KLHDC7B: variants seen among roughly 807,000 people sequenced by gnomAD.
KLHDC7B encodes kelch domain-containing protein 7B.
KLHDC7B carries 1 observed loss-of-function variant against 0.6 expected under a neutral mutation model. That is an observed-to-expected ratio of 1.71 (90% CI 0.61 to 8.11). KLHDC7B has a LOEUF of 8.11. Ranked by LOEUF, KLHDC7B falls within the 30% of genes most tolerant of loss-of-function variation. The pLI is 0.13. For missense variants in KLHDC7B, 993 were observed against 894.9 expected, an observed-to-expected ratio of 1.11 and a Z score of -1.40; for synonymous variants, 462 against 405.2, an observed-to-expected ratio of 1.14 and a Z score of -1.68.
In KLHDC7B at chr22:50,546,684, C is replaced by T. The variant is rs1285457519; in HGVS notation, c.441C>T (p.Ala147=). Among the ~76,000 whole-genome samples the T allele has an allele frequency of 6.6e-6, 1 of 152,132 alleles. No individual in the cohort carries two copies. The highest frequency in any genetic ancestry group is 1.5e-5 in the Non-Finnish European group (1 of 67,990). Residue 147 remains alanine (A), a synonymous_variant, in exon 1 of 1, where the codon GCC becomes GCT. Coordinates refer to ENST00000648057, the MANE Select transcript of KLHDC7B (RefSeq NM_138433.5). Reference sequence around the variant, plus strand: ...AACGGGGCAGTGCCACCCCCGCGGCCCCCCGAGCGGAAGGAAAGGAGCCTC... The same window carrying T: ...AACGGGGCAGTGCCACCCCCGCGGCTCCCCGAGCGGAAGGAAAGGAGCCTC... ...GQQRGSATPA[A]PRAEGKEPPR...
In KLHDC7B at chr22:50,550,979, G is replaced by A. The variant is rs1603442667; in HGVS notation, c.*1028G>A. ...GCCCTTTTTCTGTTTTTTATTCTAT[G>A]TTCAGCACCACTGGCACCAAATACA... On this transcript the variant is annotated 3_prime_UTR_variant, in exon 1 of 1. Coordinates refer to ENST00000648057, the MANE Select transcript of KLHDC7B (RefSeq NM_138433.5). 1 of 412,690 alleles carries A rather than the reference G, an allele frequency of 2.4e-6. No individual in the cohort carries two copies. Among genetic ancestry groups the A allele is most frequent in the Non-Finnish European group, 4.6e-6 (1 of 216,126 alleles). The allele number at this position is 412,690 out of a possible 1,614,324, so 25.6% of individuals were successfully genotyped here.
At position 50,548,229 on chromosome 22, in the gene KLHDC7B, G is replaced by A; in HGVS notation, c.1986G>A (p.Ala662=). 6.4e-7 allele frequency: 1 copy of A among 1,550,420 alleles called. No homozygotes were observed. The highest frequency in any genetic ancestry group is 8.7e-7 in the Non-Finnish European group (1 of 1,146,562). ...QDRPQGSVPR[A]VPGSPVGPST... ...GGCCCCAAGGGAGTGTCCCGAGGGC[G>A]GTTCCCGGGAGCCCCGTGGGTCCCA... is the stretch of plus-strand genomic sequence containing the variant. The change falls in exon 1 of 1, where the codon GCG becomes GCA. Residue 662 remains alanine (A), a synonymous_variant. Coordinates refer to ENST00000648057, the MANE Select transcript of KLHDC7B (RefSeq NM_138433.5). The surrounding 1 kb of genome is among the most constrained non-coding windows in gnomAD (Gnocchi z 5.3).
chr22:50,548,120 G>C lies in KLHDC7B; in HGVS notation c.1877G>C (p.Arg626Pro), dbSNP rs376842755. Reference sequence around the variant, plus strand: ...CAGGAGAGTGTGGCTCTCCCCAGGCGCTACCAGGAGGGGCAGGTCTCAGCC... The same window carrying C: ...CAGGAGAGTGTGGCTCTCCCCAGGCCCTACCAGGAGGGGCAGGTCTCAGCC... ...KPQESVALPR[R>P]YQEGQVSASW... The change falls in exon 1 of 1, where the codon CGC (arginine) becomes CCC (proline). Residue 626 changes from arginine to proline, a missense_variant. Physicochemically the swap from Arg to Pro is moderately radical, Grantham distance 103. Transcript: ENST00000648057. This position sits in a 1 kb window ranked among gnomAD's most constrained non-coding sequence, Gnocchi z 5.3. 222 of 1,455,676 alleles carry C rather than the reference G, an allele frequency of 1.5e-4. 1 individual carries two copies. The African/African-American group carries it at 2.9e-3, about 19-fold the overall frequency. The allele number at this position is 1,455,676 out of a possible 1,614,324, so 90.2% of individuals were successfully genotyped here. A position where few individuals can be genotyped will look rare whatever the true frequency, so the allele number is the denominator to read the frequency against.
chr22:50,550,007 A>G lies in KLHDC7B; in HGVS notation c.*56A>G, dbSNP rs2069789990. 6.2e-6 allele frequency: 9 copies of G among 1,449,392 alleles called. No individual in the cohort carries two copies. The highest frequency in any genetic ancestry group is 7.3e-6 in the Non-Finnish European group (8 of 1,089,742). The allele number at this position is 1,449,392 out of a possible 1,614,324, so 89.8% of individuals were successfully genotyped here. A position where few individuals can be genotyped will look rare whatever the true frequency, so the allele number is the denominator to read the frequency against. ...TGCTCTCCAGGGAGACCCTCCTGGGATGGGCCTGAGAGGCCGGGGCTCAGG... is the reference window on the plus strand; with the variant it reads ...TGCTCTCCAGGGAGACCCTCCTGGGGTGGGCCTGAGAGGCCGGGGCTCAGG... On this transcript the variant is annotated 3_prime_UTR_variant, in exon 1 of 1. Coordinates refer to ENST00000648057, the MANE Select transcript of KLHDC7B (RefSeq NM_138433.5).
rs201681152 is a variant in KLHDC7B, at chr22:50,550,219, CCT to C, written c.*269_*270del. On this transcript the variant is annotated 3_prime_UTR_variant, in exon 1 of 1. Transcript: ENST00000648057. ...GACCCTCTCAGCTTGCTGACACCCCCCTGTCTGTGGGACTCCCTATTCCCTAG... is the reference window on the plus strand; with the variant it reads ...GACCCTCTCAGCTTGCTGACACCCCCGTCTGTGGGACTCCCTATTCCCTAG... The C allele has an allele frequency of 3.1e-3, 1,371 of 448,936 alleles. 21 individuals carry two copies. The highest frequency in any genetic ancestry group is 0.021 in the South Asian group (378 of 18,224). 27.8% of individuals were successfully genotyped at this position (448,936 alleles called of 1,614,324 possible).
rs1302566111 is a variant in KLHDC7B at position 50,546,930 on chromosome 22, C to CCGG, written c.697_699dup (p.Arg233dup). ...CGGGCTCGATGGGGAGAGGCCGGGG[C>CCGG]CGGCGGCGGCGGATGGACGCTGGCT... On this transcript the variant is annotated inframe_insertion, in exon 1 of 1. Transcript: ENST00000648057. Among the ~76,000 whole-genome samples the CCGG allele has an allele frequency of 6.6e-6, 1 of 151,878 alleles. No individual in the cohort carries two copies. The highest frequency in any genetic ancestry group is 1.5e-5 in the Non-Finnish European group (1 of 67,914).
chr22:50,550,103 G>A lies in KLHDC7B; in HGVS notation c.*152G>A, dbSNP rs546482410. The stretch of plus-strand genomic sequence containing the variant: ...TTCCCCTTCTGCTTTAAAGGTTGTC[G>A]ATTATTTTGAAGCCCAGACTCCCTC... On this transcript the variant is annotated 3_prime_UTR_variant, in exon 1 of 1. Transcript: ENST00000648057. 9.8e-6 allele frequency: 8 copies of A among 814,834 alleles called. No individual in the cohort carries two copies. The highest frequency in any genetic ancestry group is 1.8e-5 in the African/African-American group (1 of 56,982). 50.5% of individuals were successfully genotyped at this position (814,834 alleles called of 1,614,324 possible). A position where few individuals can be genotyped will look rare whatever the true frequency, so the allele number is the denominator to read the frequency against.
Position 50,548,621 on chromosome 22 carries a change from G to A in KLHDC7B, c.2378G>A (p.Gly793Glu), listed in dbSNP as rs750875572. 1.3e-6 allele frequency: 2 copies of A among 1,542,888 alleles called. No individual in the cohort carries two copies. The highest frequency in any genetic ancestry group is 1.2e-5 in the South Asian group (1 of 83,868). Residue 793 changes from glycine to glutamate, a missense_variant, in exon 1 of 1, where the codon GGG becomes GAG. Gly to Glu is a moderately conservative substitution (Grantham distance 98). Transcript: ENST00000648057. This position sits in a 1 kb window ranked among gnomAD's most constrained non-coding sequence, Gnocchi z 5.3. ...CAGGAGGTCAGGCCGGCCGCCTCGG[G>A]GGACCCTCAAGGGGAGGCGCCGGGG... ...SEQEVRPAAS[G>E]DPQGEAPGEG...
rs1278915044 is a variant in KLHDC7B at position 50,549,805 on chromosome 22, C to T, written c.1639C>T (p.Gln547Ter). The change falls in exon 1 of 1, where the codon CAG becomes TAG. Residue 547 changes from glutamine (Q) to a stop codon, truncating the protein, a stop_gained. Coordinates refer to the KLHDC7B transcript ENST00000395676. LOFTEE classifies it high-confidence loss of function. Reference sequence around the variant, plus strand: ...CAACACCATTTACTGCCTCAACCCCCAGGTCACTGCCACCTTCACGGTCTC... The same window carrying T: ...CAACACCATTTACTGCCTCAACCCCTAGGTCACTGCCACCTTCACGGTCTC... The T allele has an allele frequency of 1.3e-6, 2 of 1,594,912 alleles. No individual in the cohort carries two copies. Among genetic ancestry groups the T allele is most frequent in the Non-Finnish European group, 1.7e-6 (2 of 1,172,198 alleles).
In KLHDC7B at chr22:50,550,718, C is replaced by T. The variant is rs187124817; in HGVS notation, c.*767C>T. On this transcript the variant is annotated 3_prime_UTR_variant, in exon 1 of 1. Coordinates refer to ENST00000648057, the MANE Select transcript of KLHDC7B (RefSeq NM_138433.5). The stretch of plus-strand genomic sequence containing the variant: ...CCCTTTTTAGCTGTGTAGACTTGGA[C>T]GAGACATTTGACTTCCCTTTCTCCT... The T allele has an allele frequency of 3.0e-4, 50 of 168,194 alleles. No homozygotes were observed. Among genetic ancestry groups the T allele is most frequent in the Non-Finnish European group, 5.4e-4 (37 of 69,002 alleles). The allele number at this position is 168,194 out of a possible 1,614,324, so 10.4% of individuals were successfully genotyped here. A position where few individuals can be genotyped will look rare whatever the true frequency, so the allele number is the denominator to read the frequency against.
rs892915483 is a variant in KLHDC7B, at chr22:50,546,731, T to A, written c.488T>A (p.Leu163Gln). The change falls in exon 1 of 1, where the codon CTG becomes CAG. Residue 163 changes from leucine to glutamine, a missense_variant. Transcript: ENST00000648057. ...KEPPRPGTAL[L>Q]GRSEAGGMSA... ...CCTCCCAGGCCAGGCACTGCCCTCC[T>A]GGGCAGGAGCGAAGCAGGGGGGATG... is the stretch of plus-strand genomic sequence containing the variant. Among the ~76,000 whole-genome samples the A allele has an allele frequency of 1.3e-5, 2 of 152,144 alleles. No individual in the cohort carries two copies. Among genetic ancestry groups the A allele is most frequent in the African/African-American group, 2.4e-5 (1 of 41,522 alleles).
rs911587596 is a variant in KLHDC7B at position 50,549,478 on chromosome 22, AC to A, written c.1314del (p.Phe439SerfsTer31). On this transcript the variant is annotated frameshift_variant, in exon 1 of 1. Coordinates refer to the KLHDC7B transcript ENST00000395676. LOFTEE classifies it low-confidence loss of function (END_TRUNC). ...CCCACGCGCGCCACTCCCCGCAGGCACCTTCCCTGTGGCCCACGAGGCTGTG... is the reference window on the plus strand; with the variant it reads ...CCCACGCGCGCCACTCCCCGCAGGCACTTCCCTGTGGCCCACGAGGCTGTG... The A allele has an allele frequency of 6.2e-7, 1 of 1,612,382 alleles. No homozygotes were observed. The highest frequency in any genetic ancestry group is 1.3e-5 in the African/African-American group (1 of 74,898).
chr22:50,546,405 G>T lies in KLHDC7B; in HGVS notation c.162G>T (p.Ala54=). 1 of 399,344 alleles carries T rather than the reference G, an allele frequency of 2.5e-6. No individual in the cohort carries two copies. The highest frequency in any genetic ancestry group is 4.4e-6 in the Non-Finnish European group (1 of 226,330). 24.7% of individuals were successfully genotyped at this position (399,344 alleles called of 1,614,324 possible). The part of the protein sequence containing the change: ...HWFGSGHDQE[A]AEPVSTALGA... ...TTGGCTCCGGGCACGATCAAGAGGC[G>T]GCAGAACCGGTGTCCACAGCCCTCG... Residue 54 remains alanine (A), a synonymous_variant, in exon 1 of 1, where the codon GCG becomes GCT. Coordinates refer to ENST00000648057, the MANE Select transcript of KLHDC7B (RefSeq NM_138433.5).
Position 50,549,903 on chromosome 22 carries a change from A to G in KLHDC7B, c.3660A>G (p.Pro1220=), listed in dbSNP as rs763796685. The change falls in exon 1 of 1, where the codon CCA becomes CCG. Residue 1220 remains proline (P), a synonymous_variant. Coordinates refer to ENST00000648057, the MANE Select transcript of KLHDC7B (RefSeq NM_138433.5). ...TGGGGAGCACCGGGGTCCTCAGTCC[A>G]TTCATCCTGACTCTGCCCCCTGAGG... ...FPLGSTGVLS[P]FILTLPPEDR... is the part of the protein sequence containing the mutation. 5 of 1,589,850 alleles carry G rather than the reference A, an allele frequency of 3.1e-6. No homozygotes were observed. Among genetic ancestry groups the G allele is most frequent in the African/African-American group, 2.7e-5 (2 of 74,394 alleles).
chr22:50,549,446 C>T lies in KLHDC7B; in HGVS notation c.3203C>T (p.Ala1068Val). 1 of 1,612,734 alleles carries T rather than the reference C, an allele frequency of 6.2e-7. No individual in the cohort carries two copies. The change falls in exon 1 of 1, where the codon GCC becomes GTC. Residue 1068 changes from alanine to valine, a missense_variant. Ala to Val is a moderately conservative substitution (Grantham distance 64, BLOSUM62 0). Transcript: ENST00000648057. ...SMECYDPRTD[A>V]WTPRAPLPAG... ...GAGTGCTACGACCCGCGAACAGACG[C>T]CTGGACCCCACGCGCGCCACTCCCC...
chr22:50,549,700 A>G lies in KLHDC7B; in HGVS notation c.3457A>G (p.Asn1153Asp), dbSNP rs1333383547. The G allele has an allele frequency of 1.3e-6, 2 of 1,577,984 alleles. No homozygotes were observed. Among genetic ancestry groups the G allele is most frequent in the Admixed American group, 1.7e-5 (1 of 57,828 alleles). ...RGVGAAVMRY[N>D]TVTGSWSRAA... is the part of the protein sequence containing the mutation. ...CGTGGGCGCCGCCGTGATGCGCTACAACACAGTGACCGGCTCCTGGAGCAG... is the reference window on the plus strand; with the variant it reads ...CGTGGGCGCCGCCGTGATGCGCTACGACACAGTGACCGGCTCCTGGAGCAG... Residue 1153 changes from asparagine (N) to aspartate (D), a missense_variant, in exon 1 of 1, where the codon AAC (asparagine) becomes GAC (aspartate). Asn to Asp is a conservative substitution (Grantham distance 23). Coordinates refer to ENST00000648057, the MANE Select transcript of KLHDC7B (RefSeq NM_138433.5).
In KLHDC7B at chr22:50,548,897, C is replaced by T; in HGVS notation, c.2654C>T (p.Ala885Val). The change falls in exon 1 of 1, where the codon GCG becomes GTG. Residue 885 changes from alanine to valine, a missense_variant. Coordinates refer to ENST00000648057, the MANE Select transcript of KLHDC7B (RefSeq NM_138433.5). This position sits in a 1 kb window ranked among gnomAD's most constrained non-coding sequence, Gnocchi z 5.3. The stretch of plus-strand genomic sequence containing the variant: ...CCCGGCCTGGCGCAGGAGACCTACG[C>T]GCTGATGAGCGACAACCTGCTGCGA... ...GEPGLAQETYALMSDNLLRVL... is the reference protein window; with the variant it reads ...GEPGLAQETYVLMSDNLLRVL... 6.3e-7 allele frequency: 1 copy of T among 1,584,618 alleles called. No individual in the cohort carries two copies. Among genetic ancestry groups the T allele is most frequent in the Non-Finnish European group, 8.6e-7 (1 of 1,166,960 alleles).
At position 50,548,782 on chromosome 22, in the gene KLHDC7B, C is replaced by G. The variant is rs776418848; in HGVS notation, c.2539C>G (p.Leu847Val). The G allele has an allele frequency of 6.9e-6, 10 of 1,455,584 alleles. No individual in the cohort carries two copies. Among genetic ancestry groups the G allele is most frequent in the African/African-American group, 1.5e-5 (1 of 67,080 alleles). 90.2% of individuals were successfully genotyped at this position (1,455,584 alleles called of 1,614,324 possible). A position where few individuals can be genotyped will look rare whatever the true frequency, so the allele number is the denominator to read the frequency against. Residue 847 changes from leucine to valine, a missense_variant, in exon 1 of 1, where the codon CTG becomes GTG. Leu to Val is a conservative substitution (Grantham distance 32). Transcript: ENST00000648057. The surrounding 1 kb of genome is among the most constrained non-coding windows in gnomAD (Gnocchi z 5.3). ...GCCCCGGAAGCCCAGCTCCCGGGCC[C>G]TGGAGCCCGCCACGGCGGCAGCCCT... is the stretch of plus-strand genomic sequence containing the variant. Reference protein sequence around the residue: ...EGPRKPSSRALEPATAAALRR... With the variant: ...EGPRKPSSRAVEPATAAALRR...
rs2069746263 is a variant in KLHDC7B, at chr22:50,547,655, T to C, written c.1412T>C (p.Val471Ala). ...GCCCCAAGTTCAGCCTCAGCCCAAG[T>C]CTTAACTTCAGCTCCAGCCTCAGTC... ...APAPSSASAQ[V>A]LTSAPASVLA... The change falls in exon 1 of 1, where the codon GTC becomes GCC. Residue 471 changes from valine to alanine, a missense_variant. Physicochemically the swap from Val to Ala is moderately conservative, Grantham distance 64. Coordinates refer to ENST00000648057, the MANE Select transcript of KLHDC7B (RefSeq NM_138433.5). 4 of 408,392 alleles carry C rather than the reference T, an allele frequency of 9.8e-6. No homozygotes were observed. Among genetic ancestry groups the C allele is most frequent in the Non-Finnish European group, 1.7e-5 (4 of 231,812 alleles). The allele number at this position is 408,392 out of a possible 1,614,324, so 25.3% of individuals were successfully genotyped here. A position where few individuals can be genotyped will look rare whatever the true frequency, so the allele number is the denominator to read the frequency against.
Sources: gnomAD v4.1 joint callset for allele counts (sites outside exome capture counted in the v4.1 genomes callset) on GRCh38, gnomAD v4.1.1 for gene constraint, Gnocchi (gnomAD v3.1) non-coding constraint, MANE v1.5 for transcripts, NCBI Gene and HGNC (gene_info 2026-07-23, HGNC 2026-07-21) for gene names.